Variants in MROH6 observed in about 807,000 individuals in gnomAD.
MROH6 encodes the protein maestro heat-like repeat-containing protein family member 6.
MROH6 carries 62 observed loss-of-function variants against 67.7 expected under a neutral mutation model. The observed-to-expected ratio is 0.92, with a 90% confidence interval of 0.75 to 1.13. The LOEUF is 1.13. MROH6 is among the 50% of genes most tolerant of loss of function. The probability of loss-of-function intolerance (pLI) is 0.00; values close to 1 mark genes in which losing one functional copy is unlikely to be tolerated. For synonymous variants in MROH6, 566 were observed against 470.8 expected (o/e 1.20, Z -2.62); for missense variants, 1,175 against 1,029.1 (o/e 1.14, Z -1.94).
chr8:143,572,200 G>T lies in MROH6; in HGVS notation c.295-15C>A, dbSNP rs777951792. On this transcript the variant is annotated splice_polypyrimidine_tract_variant and intron_variant, in intron 1 of 13. Transcript: ENST00000398882. ...CTCTGGGGAACCTAGGGCAGGATGG[G>T]TGGGGCGTCTGAAGTGCCCAAACCT... 5.3e-5 allele frequency: 85 copies of T among 1,611,674 alleles called. No homozygotes were observed. The highest frequency in any genetic ancestry group is 7.0e-5 in the Non-Finnish European group (82 of 1,179,232).
In MROH6 at chr8:143,572,033, C is replaced by T; in HGVS notation, c.447G>A (p.Gln149=). The change falls in exon 2 of 14, where the codon CAG becomes CAA. Residue 149 remains glutamine (Q), a splice_region_variant and synonymous_variant. Coordinates refer to ENST00000398882, the MANE Select transcript of MROH6 (RefSeq NM_001100878.2). ...GGGCATGAAGTGGGTGAAGGCTGAC[C>T]TGGTCCTCCAACCGCTCGCCCCGGG... The part of the protein sequence containing the change: ...LEARGERLED[Q]VHALVRGLLA... The T allele has an allele frequency of 6.2e-7, 1 of 1,610,650 alleles. No homozygotes were observed. Among genetic ancestry groups the T allele is most frequent in the Non-Finnish European group, 8.5e-7 (1 of 1,178,738 alleles).
Position 143,572,683 on chromosome 8 carries a change from G to GCCCGGCTCCGGC in MROH6, c.20_31dup (p.Gly7_Arg10dup). ...TAGAGCCCCCACGGGAGCCTCCCGG[G>GCCCGGCTCCGGC]CCCGGCTCCGGCCCCACACACCCCC... On this transcript the variant is annotated inframe_insertion, in exon 1 of 14. Transcript: ENST00000398882. The GCCCGGCTCCGGC allele has an allele frequency of 6.6e-7, 1 of 1,522,754 alleles. No individual in the cohort carries two copies. The allele number at this position is 1,522,754 out of a possible 1,614,324, so 94.3% of individuals were successfully genotyped here. A position where few individuals can be genotyped will look rare whatever the true frequency, so the allele number is the denominator to read the frequency against.
In MROH6 at chr8:143,570,479, T is replaced by A; in HGVS notation, c.899A>T (p.His300Leu). ...ACCTGGTGTTGCCTCTCACCTGGCA[T>A]GGCTATGTGGTGGCCCTCGGTGGGA... Reference protein sequence around the residue: ...VLSHRGPPHSHASCAVEALKA... With the variant: ...VLSHRGPPHSLASCAVEALKA... The change falls in exon 5 of 14, where the codon CAT (histidine) becomes CTT (leucine). Residue 300 changes from histidine to leucine, a missense_variant. His to Leu is a moderately conservative substitution (Grantham distance 99). Transcript: ENST00000398882. 6.2e-7 allele frequency: 1 copy of A among 1,611,758 alleles called. No homozygotes were observed. Among genetic ancestry groups the A allele is most frequent in the Non-Finnish European group, 8.5e-7 (1 of 1,178,878 alleles).
At chr8:143,568,369 G>C in intron 10 of MROH6, 108 bp from the exon 11 acceptor site, 1 of 1,472,082 alleles carries the variant, frequency 6.8e-7, no homozygotes. Flanking sequence ...GAAGAGCCCA[G>C]GGCAGGAGAC....
chr8:143,570,427 T>C (rs975543946), intron 5 of MROH6, 46 bp downstream of exon 5: 1 of 1,553,324 alleles, frequency 6.4e-7, no homozygotes. Flanking sequence ...GCTGAGAGGG[T>C]GACAGCATGC....
rs4873804 is a variant in MROH6 at position 143,572,523 on chromosome 8, G to C, written c.192C>G (p.Pro64=). The C allele has an allele frequency of 0.49, 778,662 of 1,603,746 alleles. 197,564 individuals are homozygous for C. The highest frequency in any genetic ancestry group is 0.53 in the Non-Finnish European group (625,600 of 1,176,044). The change falls in exon 1 of 14, where the codon CCC becomes CCG. Residue 64 remains proline, a synonymous_variant. Transcript: ENST00000398882. Reference sequence around the variant, plus strand: ...CCCCACGTCCAGGCTCTGCCTCAGAGGGGGCGGTGAGTGCCTGGGTCTGTG... The same window carrying C: ...CCCCACGTCCAGGCTCTGCCTCAGACGGGGCGGTGAGTGCCTGGGTCTGTG... ...AEPQTQALTA[P]SEAEPGRGAT... is the part of the protein sequence containing the mutation.
chr8:143,568,901 A>T (rs529889995), intron 9 of MROH6, 182 bp from the exon 10 acceptor site: 2 of 503,334 alleles, frequency 4.0e-6, no homozygotes, highest in East Asian at 3.5e-5. Flanking sequence ...GAGCCCCTGC[A>T]GGGGGTGGGG....
In MROH6 at chr8:143,570,574, C is replaced by T. The variant is rs199901664; in HGVS notation, c.804G>A (p.Ala268=). The T allele has an allele frequency of 6.8e-6, 11 of 1,607,708 alleles. No homozygotes were observed. The highest frequency in any genetic ancestry group is 4.0e-5 in the African/African-American group (3 of 75,042). Residue 268 remains alanine, a synonymous_variant, in exon 5 of 14, where the codon GCG becomes GCA. Transcript: ENST00000398882. ...CCAGCTTGTGCAGCTGTGTGACCAG[C>T]GCAAGCAGCAGATGTGGGTAGAAGC... ...TRGFYPHLLL[A]LVTQLHKLAR...
intron 1 of MROH6, 52 bp from the exon 2 acceptor site, chr8:143,572,237 C>T (rs986698224): frequency 1.3e-6 from 2 of 1,589,052 alleles, no homozygotes; most frequent in Non-Finnish European, 1.7e-6. Context: ...TCCTAGCTCT[C>T]CTCCTGGTCC....
In MROH6 at chr8:143,571,006, GA is replaced by G. The variant is rs757222302; in HGVS notation, c.603-13del. 5.6e-5 allele frequency: 86 copies of G among 1,547,966 alleles called. No homozygotes were observed. Among genetic ancestry groups the G allele is most frequent in the Non-Finnish European group, 7.4e-5 (85 of 1,146,328 alleles). On this transcript the variant is annotated splice_polypyrimidine_tract_variant and intron_variant, in intron 3 of 13. Coordinates refer to ENST00000398882, the MANE Select transcript of MROH6 (RefSeq NM_001100878.2). ...GCTCGGCTGCTACCCTGAGGGTTTG[GA>G]GGGGGCTGGTGTGAGACAAGAGATG...
Position 143,567,620 on chromosome 8 carries a change from G to C in MROH6, c.1924C>G (p.Leu642Val). ...CAAGGTGGGGCCTCACCCTGGAACAGGGAGTCCAGCAGGTCCTGGTTGACA... is the reference window on the plus strand; with the variant it reads ...CAAGGTGGGGCCTCACCCTGGAACACGGAGTCCAGCAGGTCCTGGTTGACA... The part of the protein sequence containing the change: ...GCVNQDLLDS[L>V]FQDLGRLQSD... Residue 642 changes from leucine to valine, a missense_variant, in exon 13 of 14, where the codon CTG (leucine) becomes GTG (valine). By Grantham distance (32) the Leu-to-Val change is conservative. Transcript: ENST00000398882. The C allele has an allele frequency of 1.9e-6, 3 of 1,564,118 alleles. No individual in the cohort carries two copies. The highest frequency in any genetic ancestry group is 2.6e-6 in the Non-Finnish European group (3 of 1,155,106).
In MROH6 at chr8:143,572,436, A is replaced by T; in HGVS notation, c.279T>A (p.Pro93=). The T allele has an allele frequency of 6.3e-7, 1 of 1,584,482 alleles. No individual in the cohort carries two copies. ...CSLNSALEPA[P]EGPHQVPQSS... is the part of the protein sequence containing the mutation. ...CCCCCGTCACCTGGTGGGGCCCCTC[A>T]GGGGCTGGTTCCAGGGCACTGTTGA... The change falls in exon 1 of 14, where the codon CCT becomes CCA. Residue 93 remains proline, a synonymous_variant. Coordinates refer to ENST00000398882, the MANE Select transcript of MROH6 (RefSeq NM_001100878.2).
chr8:143,572,021 G>GT lies in MROH6; in HGVS notation c.447+11dup, dbSNP rs779019077. ...CAGGATTCTGTAGGGCATGAAGTGG[G>GT]TGAAGGCTGACCTGGTCCTCCAACC... is the stretch of plus-strand genomic sequence containing the variant. On this transcript the variant is annotated intron_variant, in intron 2 of 13. Transcript: ENST00000398882. 6.2e-7 allele frequency: 1 copy of GT among 1,608,614 alleles called. No individual in the cohort carries two copies. Among genetic ancestry groups the GT allele is most frequent in the South Asian group, 1.1e-5 (1 of 90,634 alleles).
At chr8:143,568,999 A>T in intron 9 of MROH6, 55 of 100,844 alleles carry the variant, frequency 5.5e-4, no homozygotes, top group East Asian at 1.1e-3. Flanking sequence ...GGGCGACAGC[A>T]GGCGGGAGGG....
At chr8:143,570,179 C>T (rs1823925084) in intron 6 of MROH6, 64 bp downstream of exon 6, 3 of 1,558,082 alleles carry the variant, frequency 1.9e-6, no homozygotes, top group Non-Finnish European at 2.6e-6. Context: ...CCCTGCCCAG[C>T]ACCTGGCCAG....
In MROH6 at chr8:143,566,264, G is replaced by C. The variant is rs183658901; in HGVS notation, c.*975C>G. On this transcript the variant is annotated 3_prime_UTR_variant, in exon 14 of 14. Transcript: ENST00000398882. Reference sequence around the variant, plus strand: ...GGGAGACAGGTCAGTAGGACCCCACGCCTGTGCCTGAGGGGCCCCAGTCTG... The same window carrying C: ...GGGAGACAGGTCAGTAGGACCCCACCCCTGTGCCTGAGGGGCCCCAGTCTG... The C allele has an allele frequency of 6.6e-6, 1 of 152,292 alleles. No individual in the cohort carries two copies. The highest frequency in any genetic ancestry group is 1.5e-5 in the Non-Finnish European group (1 of 68,030). The allele number at this position is 152,292 out of a possible 1,614,324, so 9.4% of individuals were successfully genotyped here.
In MROH6 at chr8:143,570,963, G is replaced by C. The variant is rs370597077; in HGVS notation, c.634C>G (p.Arg212Gly). The C allele has an allele frequency of 5.2e-6, 8 of 1,548,968 alleles. No homozygotes were observed. The highest frequency in any genetic ancestry group is 1.2e-5 in the South Asian group (1 of 83,988). Residue 212 changes from arginine to glycine, a missense_variant, in exon 4 of 14, where the codon CGT (arginine) becomes GGT (glycine). Arg to Gly is a moderately radical substitution (Grantham distance 125). Coordinates refer to ENST00000398882, the MANE Select transcript of MROH6 (RefSeq NM_001100878.2). ...VAAELWRSLS[R>G]NQRVNGQVLV... Reference sequence around the variant, plus strand: ...ACCTGCCCATTTACACGCTGGTTACGGCTTAGGCTGCGCCAGAGCTCGGCT... The same window carrying C: ...ACCTGCCCATTTACACGCTGGTTACCGCTTAGGCTGCGCCAGAGCTCGGCT...
At position 143,570,000 on chromosome 8, in the gene MROH6, C is replaced by T. The variant is rs765460357; in HGVS notation, c.1109G>A (p.Arg370His). 4 of 1,612,998 alleles carry T rather than the reference C, an allele frequency of 2.5e-6. No homozygotes were observed. Among genetic ancestry groups the T allele is most frequent in the Admixed American group, 1.7e-5 (1 of 60,004 alleles). Reference sequence around the variant, plus strand: ...GAGACGCTGCGGGTCGTCCGCGCTGCGAAGCCGAGGGAGCAAGTCTGCGAA... The same window carrying T: ...GAGACGCTGCGGGTCGTCCGCGCTGTGAAGCCGAGGGAGCAAGTCTGCGAA... ...GLFADLLPRL[R>H]SADDPQRLTA... is the part of the protein sequence containing the mutation. Residue 370 changes from arginine to histidine, a missense_variant, in exon 7 of 14, where the codon CGC (arginine) becomes CAC (histidine). Arg to His is a conservative substitution (Grantham distance 29, BLOSUM62 0). Transcript: ENST00000398882.
At position 143,567,023 on chromosome 8, in the gene MROH6, CAA is replaced by C. The variant is rs1270819612; in HGVS notation, c.*214_*215del. 1 of 344,352 alleles carries C rather than the reference CAA, an allele frequency of 2.9e-6. No homozygotes were observed. Among genetic ancestry groups the C allele is most frequent in the East Asian group, 4.2e-5 (1 of 23,598 alleles). 21.3% of individuals were successfully genotyped at this position (344,352 alleles called of 1,614,324 possible). A position where few individuals can be genotyped will look rare whatever the true frequency, so the allele number is the denominator to read the frequency against. On this transcript the variant is annotated 3_prime_UTR_variant, in exon 14 of 14. Transcript: ENST00000398882. ...GGCATGCTCCAGGGGGCTGTGAGAA[CAA>C]GAGCCCTGACGGGGACAGATGGGTG...
Sources: gnomAD v4.1 joint callset for allele counts on GRCh38, gnomAD v4.1.1 for gene constraint, MANE v1.5 for transcripts, NCBI Gene and HGNC (gene_info 2026-07-23, HGNC 2026-07-21) for gene names.